CDH10: variants seen among roughly 807,000 people sequenced by gnomAD.
CDH10 encodes cadherin 10.
In CDH10, 30 loss-of-function variants were observed where a neutral mutation model predicts 73.1. That is an observed-to-expected ratio of 0.41 (90% CI 0.31 to 0.56). CDH10 has a LOEUF of 0.56. CDH10 is among the 20% of genes least tolerant of loss of function. CDH10 has a pLI of 0.27. For missense variants in CDH10, 815 were observed against 973.7 expected (o/e 0.84, Z 2.17); for synonymous variants, 345 against 348.2 (o/e 0.99, Z 0.10).
At chr5:24,563,915 T>A (rs139193526) in intron 2 of CDH10, among the ~76,000 whole-genome samples, 134 of 152,302 alleles carry the variant, frequency 8.8e-4, no homozygotes, top group African/African-American at 3.2e-3. Context: ...TTGTAACCCA[T>A]CACTAATATT....
intron 1 of CDH10, among the ~76,000 whole-genome samples, chr5:24,608,301 A>G (rs1485379101): frequency 7.3e-5 from 11 of 150,464 alleles, no homozygotes. Context: ...GTTTTTTTTT[A>G]TTATTATTTT....
intron 1 of CDH10, among the ~76,000 whole-genome samples, chr5:24,611,615 G>A (rs1021195778): frequency 6.6e-6 from 1 of 151,930 alleles, no homozygotes; most frequent in Admixed American, 6.6e-5. Flanking sequence ...TGTTAACAAT[G>A]AACTTTTAAG....
chr5:24,596,143 C>A (rs573409317), intron 1 of CDH10, among the ~76,000 whole-genome samples: 2 of 152,064 alleles, frequency 1.3e-5, no homozygotes, highest in South Asian at 2.1e-4. Context: ...CATTTAATTT[C>A]TCTGCAGTTA....
intron 1 of CDH10, among the ~76,000 whole-genome samples, chr5:24,624,320 AT>A (rs1173852160): frequency 2.6e-5 from 4 of 152,082 alleles, no homozygotes; most frequent in African/African-American, 7.2e-5. Flanking sequence ...TTATATATGG[AT>A]TTTTCCTCAC....
chr5:24,541,385 C>G (rs180841640), intron 2 of CDH10, among the ~76,000 whole-genome samples: 4 of 152,084 alleles, frequency 2.6e-5, no homozygotes, highest in Admixed American at 2.6e-4. Context: ...AATTTTACTT[C>G]CTATTCCAAT....
Position 24,511,535 on chromosome 5 carries a change from A to AAGAGAG in CDH10, c.815-27_815-22dup, listed in dbSNP as rs776963293. The AAGAGAG allele has an allele frequency of 3.3e-5, 28 of 845,498 alleles. No homozygotes were observed. In the East Asian group the frequency reaches 3.6e-4, roughly 11 times the overall value. The allele number at this position is 845,498 out of a possible 1,614,324, so 52.4% of individuals were successfully genotyped here. On this transcript the variant is annotated intron_variant, in intron 5 of 11. Coordinates refer to ENST00000264463, the MANE Select transcript of CDH10 (RefSeq NM_006727.5). ...AGTGTCTGTAAAGTATAAAGAAAAGAAGAGAGAGACAGAGAGAGAGAGAGA... is the reference window on the plus strand; with the variant it reads ...AGTGTCTGTAAAGTATAAAGAAAAGAAGAGAGAGAGAGAGACAGAGAGAGAGAGAGA...
intron 2 of CDH10, among the ~76,000 whole-genome samples, chr5:24,576,975 A>G (rs1745628670): frequency 6.6e-6 from 1 of 150,710 alleles, no homozygotes; most frequent in Non-Finnish European, 1.5e-5. Context: ...CCCAAAGCCC[A>G]CAACCACAGT....
At chr5:24,602,829 C>T (rs915981747) in intron 1 of CDH10, among the ~76,000 whole-genome samples, 1 of 152,092 alleles carries the variant, frequency 6.6e-6, no homozygotes, top group African/African-American at 2.4e-5. Flanking sequence ...AGTCTTCTCA[C>T]TTTCTTACTC....
intron 5 of CDH10, among the ~76,000 whole-genome samples, chr5:24,518,927 G>T (rs1743210294): frequency 7.4e-6 from 1 of 134,436 alleles, no homozygotes; most frequent in Non-Finnish European, 1.5e-5. Flanking sequence ...GTCTTGCTCG[G>T]TCACCCAGGC....
At chr5:24,510,471 A>C (rs749130459) in intron 6 of CDH10, among the ~76,000 whole-genome samples, 1 of 152,212 alleles carries the variant, frequency 6.6e-6, no homozygotes, top group Non-Finnish European at 1.5e-5. Context: ...CTATTCTGAA[A>C]TGTATGTTTT....
intron 2 of CDH10, among the ~76,000 whole-genome samples, chr5:24,538,023 T>C (rs977368893): frequency 1.3e-5 from 2 of 152,048 alleles, no homozygotes; most frequent in Admixed American, 6.6e-5. Context: ...CTCTCTCATC[T>C]CTTTCTGTGA....
chr5:24,573,503 C>T (rs1002007256), intron 2 of CDH10, among the ~76,000 whole-genome samples: 2 of 151,706 alleles, frequency 1.3e-5, no homozygotes, highest in African/African-American at 4.8e-5. Flanking sequence ...AGATTGAGAC[C>T]ATCCTGGCTA....
At chr5:24,529,592 G>T (rs749361506) in intron 5 of CDH10, among the ~76,000 whole-genome samples, 1 of 151,808 alleles carries the variant, frequency 6.6e-6, no homozygotes, top group African/African-American at 2.4e-5. Flanking sequence ...ATTCTTTTGC[G>T]TGCATTTAGG....
At chr5:24,642,555 CCTCT>C (rs1158733895) in intron 1 of CDH10, among the ~76,000 whole-genome samples, 10 of 151,986 alleles carry the variant, frequency 6.6e-5, no homozygotes, top group Admixed American at 5.9e-4. Flanking sequence ...AGTTTTGTAT[CCTCT>C]CTTTTTCTTT....
chr5:24,532,944 T>G (rs568241847), intron 5 of CDH10, among the ~76,000 whole-genome samples: 96 of 152,190 alleles, frequency 6.3e-4, no homozygotes, highest in Non-Finnish European at 5.9e-4. Context: ...ACATTCAATA[T>G]GAAATACAAT....
At chr5:24,568,796 A>G (rs1421548922) in intron 2 of CDH10, among the ~76,000 whole-genome samples, 3 of 152,108 alleles carry the variant, frequency 2.0e-5, no homozygotes, top group Admixed American at 6.5e-5. Context: ...TATACACAAT[A>G]CAACATGATT....
At chr5:24,644,567 TA>T (rs1748154890) in intron 1 of CDH10, 26 bp downstream of exon 1, 2 of 151,980 alleles carry the variant, frequency 1.3e-5, no homozygotes, top group South Asian at 2.1e-4. Flanking sequence ...TTAACGGAGT[TA>T]AAAGAAAGAG....
chr5:24,634,974 T>G lies in CDH10; in HGVS notation c.-124+9620A>C, dbSNP rs1168992976. On this transcript the variant is annotated intron_variant, in intron 1 of 11. Coordinates refer to ENST00000264463, the MANE Select transcript of CDH10 (RefSeq NM_006727.5). ...CCGTAGAAACCATTCCAGATGCTTT[T>G]TAAATTAACATATAAATAGAGCCAA... is the stretch of plus-strand genomic sequence containing the variant. Among the ~76,000 whole-genome samples, 3 of 148,406 alleles carry G rather than the reference T, an allele frequency of 2.0e-5. No individual in the cohort carries two copies. In the East Asian group the frequency reaches 6.0e-4, roughly 30 times the overall value.
chr5:24,520,325 A>C (rs1418271170), intron 5 of CDH10, among the ~76,000 whole-genome samples: 1 of 152,234 alleles, frequency 6.6e-6, no homozygotes, highest in African/African-American at 2.4e-5. Flanking sequence ...ATGGAAAAAT[A>C]TGGGTAAATC....
Sources: allele counts gnomAD v4.1 joint callset (sites outside exome capture counted in the v4.1 genomes callset), GRCh38; gene constraint gnomAD v4.1.1; transcripts MANE v1.5; gene names NCBI Gene and HGNC (gene_info 2026-07-23, HGNC 2026-07-21).